Variants in TMOD1 observed in about 807,000 individuals in gnomAD.
The protein encoded by TMOD1 is tropomodulin 1.
In TMOD1, 17 loss-of-function variants were observed where a neutral mutation model predicts 40.6. That is an observed-to-expected ratio of 0.42 (90% CI 0.29 to 0.63). The LOEUF is 0.63. TMOD1 is among the 20% of genes least tolerant of loss of function. TMOD1 has a pLI of 0.22. For missense variants in TMOD1, 391 were observed against 447.6 expected (o/e 0.87, Z 1.14); for synonymous variants, 181 against 175.0 (o/e 1.03, Z -0.27).
At chr9:97,566,468 C>T (rs1377506012) in intron 7 of TMOD1, among the ~76,000 whole-genome samples, 1 of 152,020 alleles carries the variant, frequency 6.6e-6, no homozygotes, top group Non-Finnish European at 1.5e-5. Context: ...GTCAGAAGTT[C>T]GAGACCAGCC....
chr9:97,538,108 C>T (rs1830212003), intron 2 of TMOD1, among the ~76,000 whole-genome samples: 1 of 152,168 alleles, frequency 6.6e-6, no homozygotes, highest in South Asian at 2.1e-4. Flanking sequence ...AGTGTGGAGG[C>T]ATGAACGCTC....
At position 97,587,567 on chromosome 9, in the gene TMOD1, G is replaced by T. The variant is rs865961882; in HGVS notation, c.871-3724G>T. The stretch of plus-strand genomic sequence containing the variant: ...TCCTTTCCCCGTTTTCTAATTGTTT[G>T]TTTTTTTTTTACTGTGGAGTTTTTT... On this transcript the variant is annotated intron_variant, in intron 8 of 9. Coordinates refer to ENST00000259365, the MANE Select transcript of TMOD1 (RefSeq NM_003275.4). 5.2e-3 allele frequency among the ~76,000 whole-genome samples: 776 copies of T among 149,800 alleles called. 4 individuals are homozygous for T. The highest frequency in any genetic ancestry group is 0.018 in the African/African-American group (744 of 40,720).
At chr9:97,538,182 A>G (rs16921671) in intron 2 of TMOD1, among the ~76,000 whole-genome samples, 2,398 of 152,280 alleles carry the variant, frequency 0.016, 90 homozygotes, top group East Asian at 0.13. Context: ...TTAGCCTAAG[A>G]TCAGAGATAA....
At chr9:97,574,760 A>C (rs1830894102) in intron 8 of TMOD1, among the ~76,000 whole-genome samples, 1 of 152,242 alleles carries the variant, frequency 6.6e-6, no homozygotes, top group Non-Finnish European at 1.5e-5. Flanking sequence ...TGTCTAGCTC[A>C]GGGTTTGCAA....
chr9:97,530,368 A>G (rs1830078735), intron 2 of TMOD1, among the ~76,000 whole-genome samples: 1 of 152,232 alleles, frequency 6.6e-6, no homozygotes, highest in African/African-American at 2.4e-5. Flanking sequence ...GGGTCCTAAG[A>G]GTTGATTTTA....
At chr9:97,593,305 C>T (rs1038357867) in intron 9 of TMOD1, among the ~76,000 whole-genome samples, 1 of 152,162 alleles carries the variant, frequency 6.6e-6, no homozygotes, top group Non-Finnish European at 1.5e-5. Flanking sequence ...TGAAAACTCT[C>T]CCAGTCCTGT....
At chr9:97,576,697 G>T (rs896515687) in intron 8 of TMOD1, among the ~76,000 whole-genome samples, 1 of 151,008 alleles carries the variant, frequency 6.6e-6, no homozygotes, top group Non-Finnish European at 1.5e-5. Context: ...GCAGTGGCAC[G>T]ATCTCGGCTC....
chr9:97,565,891 A>G lies in TMOD1; in HGVS notation c.662A>G (p.Lys221Arg). The change falls in exon 7 of 10, where the codon AAA (lysine) becomes AGA (arginine). Residue 221 changes from lysine to arginine, a missense_variant. Lys to Arg is a conservative substitution (Grantham distance 26). Transcript: ENST00000259365. ...CTCAAGGCATATGCAGAAGCCCTGA[A>G]AGAAAACTCATATGTGAAGAAGTTC... is the stretch of plus-strand genomic sequence containing the variant. ...PTLKAYAEALKENSYVKKFSI... is the reference protein window; with the variant it reads ...PTLKAYAEALRENSYVKKFSI... 6.2e-7 allele frequency: 1 copy of G among 1,614,212 alleles called. No homozygotes were observed. The highest frequency in any genetic ancestry group is 1.1e-5 in the South Asian group (1 of 91,076).
intron 1 of TMOD1, among the ~76,000 whole-genome samples, chr9:97,504,163 G>C (rs1183281823): frequency 6.6e-6 from 1 of 152,208 alleles, no homozygotes; most frequent in Non-Finnish European, 1.5e-5. Flanking sequence ...ATACAATGGA[G>C]ACAACAATAG....
chr9:97,519,742 A>C (rs1829885193), intron 1 of TMOD1, among the ~76,000 whole-genome samples: 2 of 152,188 alleles, frequency 1.3e-5, no homozygotes. Flanking sequence ...AGGGCAAGGC[A>C]CTGGGAACAC....
At chr9:97,587,628 A>G (rs1825909987) in intron 8 of TMOD1, among the ~76,000 whole-genome samples, 1 of 151,946 alleles carries the variant, frequency 6.6e-6, no homozygotes, top group Admixed American at 6.6e-5. Context: ...CACACAATTC[A>G]TCCTTTTAAA....
intron 9 of TMOD1, 85 bp from the exon 10 acceptor site, chr9:97,599,549 G>C (rs1826204083): frequency 6.4e-6 from 10 of 1,559,530 alleles, no homozygotes; most frequent in Non-Finnish European, 8.8e-6. Context: ...ATTAGTGCGA[G>C]GTTTCACAGT....
At chr9:97,538,201 TTCC>T (rs1379837297) in intron 2 of TMOD1, among the ~76,000 whole-genome samples, 4 of 152,288 alleles carry the variant, frequency 2.6e-5, no homozygotes, top group African/African-American at 7.2e-5. Flanking sequence ...AATCTAGAAT[TTCC>T]TCCTCCTTAA....
Position 97,601,594 on chromosome 9 carries a change from G to A in TMOD1, c.*1896G>A. On this transcript the variant is annotated 3_prime_UTR_variant, in exon 10 of 10. Coordinates refer to ENST00000259365, the MANE Select transcript of TMOD1 (RefSeq NM_003275.4). ...GATGAGCTGCTGGTCTAGATCAGGG[G>A]CTGGCAAACTTTTCTGTAAAAGGCC... 1 of 987,176 alleles carries A rather than the reference G, an allele frequency of 1.0e-6. No individual in the cohort carries two copies. The highest frequency in any genetic ancestry group is 1.2e-6 in the Non-Finnish European group (1 of 831,216). The allele number at this position is 987,176 out of a possible 1,614,324, so 61.2% of individuals were successfully genotyped here. A position where few individuals can be genotyped will look rare whatever the true frequency, so the allele number is the denominator to read the frequency against.
At chr9:97,553,963 C>G (rs1830493763) in intron 4 of TMOD1, among the ~76,000 whole-genome samples, 1 of 152,102 alleles carries the variant, frequency 6.6e-6, no homozygotes, top group Non-Finnish European at 1.5e-5. Context: ...TATTCAGAGC[C>G]CTTTGCCCCA....
chr9:97,546,653 A>C (rs761591703), intron 3 of TMOD1, among the ~76,000 whole-genome samples: 1 of 152,180 alleles, frequency 6.6e-6, no homozygotes, highest in Non-Finnish European at 1.5e-5. Flanking sequence ...TTGAGAGTAA[A>C]AGAAGAAACT....
chr9:97,540,810 A>G (rs1169299882), intron 2 of TMOD1, among the ~76,000 whole-genome samples: 2 of 152,158 alleles, frequency 1.3e-5, no homozygotes, highest in Non-Finnish European at 2.9e-5. Context: ...TACTTTTGTT[A>G]TTATGAATAA....
chr9:97,505,889 A>T (rs1459983946), intron 1 of TMOD1, among the ~76,000 whole-genome samples: 2 of 152,100 alleles, frequency 1.3e-5, no homozygotes, highest in Non-Finnish European at 2.9e-5. Flanking sequence ...GCCTCAAGTC[A>T]TTCCTTCTTC....
chr9:97,597,233 A>G (rs1278163465), intron 9 of TMOD1, among the ~76,000 whole-genome samples: 1 of 152,270 alleles, frequency 6.6e-6, no homozygotes, highest in Non-Finnish European at 1.5e-5. Context: ...ACAGAATTGA[A>G]GGAGGATATT....
Sources: gnomAD v4.1 joint callset for allele counts (sites outside exome capture counted in the v4.1 genomes callset) on GRCh38, gnomAD v4.1.1 for gene constraint, MANE v1.5 for transcripts, NCBI Gene and HGNC (gene_info 2026-07-23, HGNC 2026-07-21) for gene names.